CPM: variants seen among roughly 807,000 people sequenced by gnomAD.
CPM encodes carboxypeptidase M.
CPM carries 35 observed loss-of-function variants against 46.4 expected under a neutral mutation model. That is an observed-to-expected ratio of 0.75 (90% CI 0.58 to 1.00). The LOEUF (loss-of-function observed/expected upper bound fraction) is 1.00, where lower values mean the gene tolerates loss of function less well. CPM is among the 50% of genes least tolerant of loss of function. The pLI is 0.00. For missense variants in CPM, 422 were observed against 530.4 expected, an observed-to-expected ratio of 0.80 and a Z score of 2.01; for synonymous variants, 195 against 195.3, an observed-to-expected ratio of 1.00 and a Z score of 0.01.
chr12:68,885,222 G>C (rs141943745), intron 3 of CPM, among the ~76,000 whole-genome samples: 147 of 152,330 alleles, frequency 9.7e-4, no homozygotes, highest in African/African-American at 3.1e-3. Context: ...TGGGATTATA[G>C]GTGTGAGCCA....
intron 2 of CPM, among the ~76,000 whole-genome samples, chr12:68,895,360 A>G: frequency 6.6e-6 from 1 of 152,120 alleles, no homozygotes; most frequent in East Asian, 1.9e-4. Context: ...ACAGGCAATG[A>G]TTGGATAGAG....
intron 2 of CPM, among the ~76,000 whole-genome samples, chr12:68,887,734 G>A (rs890069167): frequency 6.6e-6 from 1 of 152,182 alleles, no homozygotes. Context: ...GCATATACTA[G>A]AGTGTGACAT....
rs2642562 is a variant in CPM at position 68,887,810 on chromosome 12, G to C, written c.161-1921C>G. Among the ~76,000 whole-genome samples the C allele has an allele frequency of 8.1e-3, 1,231 of 152,274 alleles. 17 individuals are homozygous for C. Among genetic ancestry groups the C allele is most frequent in the African/African-American group, 0.028 (1,175 of 41,556 alleles). On this transcript the variant is annotated intron_variant, in intron 2 of 8. Transcript: ENST00000551568. ...TAAAAAAAGAAATTTTTTCCAAGGA[G>C]GGGGCTGATGAAAAAGCCTTACAGA...
chr12:68,937,578 A>G (rs79741576), upstream of CPM, among the ~76,000 whole-genome samples: 2 of 151,336 alleles, frequency 1.3e-5, no homozygotes, highest in African/African-American at 4.9e-5. Context: ...AATAATGTCA[A>G]TGTAGATCTG....
chr12:68,900,075 A>G, intron 2 of CPM, among the ~76,000 whole-genome samples: 1 of 152,238 alleles, frequency 6.6e-6, no homozygotes, highest in Non-Finnish European at 1.5e-5. Context: ...AGGGATCAAG[A>G]GAATGAAAAG....
At chr12:68,931,763 A>AAAAG (rs1287718409) in intron 2 of CPM, among the ~76,000 whole-genome samples, 3,140 of 132,140 alleles carry the variant, frequency 0.024, 59 homozygotes, top group African/African-American at 0.036. Flanking sequence ...AAAAAAAAAA[A>AAAAG]AAAGAAAGAA....
At chr12:68,928,665 T>C (rs577070214) in intron 2 of CPM, among the ~76,000 whole-genome samples, 2 of 152,208 alleles carry the variant, frequency 1.3e-5, no homozygotes, top group South Asian at 2.1e-4. Flanking sequence ...TTATCACTAG[T>C]AAGGAAGGTG....
At chr12:68,950,867 T>G (rs1380921640) in intron 1 of CPM, among the ~76,000 whole-genome samples, 1 of 152,226 alleles carries the variant, frequency 6.6e-6, no homozygotes, top group Non-Finnish European at 1.5e-5. Flanking sequence ...AGGCTCCAGT[T>G]TGTCTTTACC....
At chr12:68,946,566 A>G (rs1312748398) in intron 1 of CPM, among the ~76,000 whole-genome samples, 2 of 152,154 alleles carry the variant, frequency 1.3e-5, no homozygotes, top group Non-Finnish European at 2.9e-5. Flanking sequence ...CAGGTTGGGA[A>G]CCTTGTAAAA....
chr12:68,859,131 T>A, intron 7 of CPM, 60 bp from the exon 8 acceptor site: 1 of 935,436 alleles, frequency 1.1e-6, no homozygotes, highest in Non-Finnish European at 1.4e-6. Flanking sequence ...TAAAAATTAT[T>A]ATAAATATTT....
At chr12:68,901,544 T>C (rs916824043) in intron 2 of CPM, among the ~76,000 whole-genome samples, 1 of 152,228 alleles carries the variant, frequency 6.6e-6, no homozygotes, top group African/African-American at 2.4e-5. Context: ...AAAAAAATCA[T>C]GTGAAAATTT....
chr12:68,870,273 A>G lies in CPM; in HGVS notation c.558T>C (p.Ser186=). 1.3e-5 allele frequency: 21 copies of G among 1,614,222 alleles called. No homozygotes were observed. Among genetic ancestry groups the G allele is most frequent in the Non-Finnish European group, 1.8e-5 (21 of 1,180,010 alleles). The change falls in exon 5 of 9, where the codon TCT becomes TCC. Residue 186 remains serine, a synonymous_variant. Transcript: ENST00000551568. ...KWLKTETFVL[S]ANLHGGALVA... is the part of the protein sequence containing the mutation. The stretch of plus-strand genomic sequence containing the variant: ...CGAGGGCACCACCATGGAGGTTTGC[A>G]GAGAGGACAAACGTCTCTGTTTTCA...
chr12:68,922,223 T>A (rs1033934124), intron 2 of CPM, among the ~76,000 whole-genome samples: 1 of 152,252 alleles, frequency 6.6e-6, no homozygotes, highest in Non-Finnish European at 1.5e-5. Context: ...CATTTATTCG[T>A]GCTCTAAAAA....
chr12:68,873,826 G>A (rs1833197637), intron 3 of CPM, among the ~76,000 whole-genome samples: 1 of 149,024 alleles, frequency 6.7e-6, no homozygotes, highest in African/African-American at 2.5e-5. Context: ...TTTTTTTTGA[G>A]ACAGAGTCTC....
intron 6 of CPM, among the ~76,000 whole-genome samples, chr12:68,867,669 C>T (rs1383468047): frequency 6.6e-6 from 1 of 152,168 alleles, no homozygotes; most frequent in East Asian, 1.9e-4. Context: ...GGCCACCTTC[C>T]GCCAGCACCT....
rs780241067 is a variant in CPM at position 68,932,732 on chromosome 12, C to T, written c.106G>A (p.Ala36Thr). ...TGAGTGACAGAACTGTAGTTTTGGG[C>T]AACAGTCTTCAAAAACGCTTCCATC... Reference protein sequence around the residue: ...EGMEAFLKTVAQNYSSVTHLH... With the variant: ...EGMEAFLKTVTQNYSSVTHLH... Residue 36 changes from alanine (A) to threonine (T), a missense_variant, in exon 2 of 9, where the codon GCC becomes ACC. Transcript: ENST00000551568. 7.3e-5 allele frequency: 118 copies of T among 1,614,050 alleles called. No individual in the cohort carries two copies. The highest frequency in any genetic ancestry group is 9.5e-5 in the Non-Finnish European group (112 of 1,180,044).
intron 2 of CPM, among the ~76,000 whole-genome samples, chr12:68,921,695 T>C (rs1223572539): frequency 6.6e-6 from 1 of 152,208 alleles, no homozygotes; most frequent in Non-Finnish European, 1.5e-5. Context: ...CCCCCAATTC[T>C]ACCTCTCTAA....
chr12:68,873,580 G>A (rs1323393854), intron 3 of CPM, among the ~76,000 whole-genome samples: 6 of 151,324 alleles, frequency 4.0e-5, no homozygotes, highest in African/African-American at 1.5e-4. Context: ...TAGGAGGATC[G>A]CTTGTGCTGC....
In CPM at chr12:68,852,279, T is replaced by C. The variant is rs987571082; in HGVS notation, c.*4158A>G. ...GACTTAATGTTTTTCTAAAATACTC[T>C]TTGCCATTTAGATTCAATCATGTCA... On this transcript the variant is annotated 3_prime_UTR_variant, in exon 9 of 9. Transcript: ENST00000551568. 2 of 152,252 alleles carry C rather than the reference T, an allele frequency of 1.3e-5. No individual in the cohort carries two copies. The highest frequency in any genetic ancestry group is 6.5e-5 in the Admixed American group (1 of 15,284). 9.4% of individuals were successfully genotyped at this position (152,252 alleles called of 1,614,324 possible). A position where few individuals can be genotyped will look rare whatever the true frequency, so the allele number is the denominator to read the frequency against.
Sources: gnomAD v4.1 joint callset for allele counts (sites outside exome capture counted in the v4.1 genomes callset) on GRCh38, gnomAD v4.1.1 for gene constraint, MANE v1.5 for transcripts, NCBI Gene and HGNC (gene_info 2026-07-23, HGNC 2026-07-21) for gene names.